AKAP13: variants seen among roughly 807,000 people sequenced by gnomAD.
The protein encoded by AKAP13 is A-kinase anchoring protein 13.
A neutral mutation model predicts 264.5 loss-of-function variants in AKAP13; 80 were observed. The ratio of observed to expected loss-of-function variants is 0.30; its 90% CI spans 0.25 to 0.36. AKAP13 has a LOEUF of 0.36. AKAP13 is among the 10% of genes least tolerant of loss of function. The pLI, the probability that AKAP13 is intolerant of heterozygous loss-of-function variation, is 1.00. For synonymous variants in AKAP13, 1,380 were observed against 1,250.2 expected (o/e 1.10, Z -2.19); for missense variants, 3,712 against 3,435.2 (o/e 1.08, Z -2.01).
chr15:85,546,924 A>G (rs1466959182), intron 5 of AKAP13, among the ~76,000 whole-genome samples: 2 of 151,938 alleles, frequency 1.3e-5, no homozygotes, highest in African/African-American at 2.4e-5. Context: ...TTGTATTTTT[A>G]GTAGAGACGG....
chr15:85,695,701 A>T (rs1213336043), intron 17 of AKAP13, among the ~76,000 whole-genome samples: 1 of 152,198 alleles, frequency 6.6e-6, no homozygotes, highest in South Asian at 2.1e-4. Flanking sequence ...CCGAATCCTC[A>T]TGCATCCCTG....
chr15:85,416,954 T>G (rs1175693562), intron 1 of AKAP13, among the ~76,000 whole-genome samples: 1 of 152,216 alleles, frequency 6.6e-6, no homozygotes, highest in Non-Finnish European at 1.5e-5. Flanking sequence ...TGGTGGAGTT[T>G]GATATATTAG....
At chr15:85,597,651 C>T (rs2079877157) in intron 8 of AKAP13, among the ~76,000 whole-genome samples, 1 of 152,112 alleles carries the variant, frequency 6.6e-6, no homozygotes, top group Non-Finnish European at 1.5e-5. Flanking sequence ...CCTTCTGATA[C>T]AGATACTTGG....
At chr15:85,668,241 C>G (rs2083714997) in intron 13 of AKAP13, among the ~76,000 whole-genome samples, 2 of 152,190 alleles carry the variant, frequency 1.3e-5, no homozygotes, top group Admixed American at 6.5e-5. Context: ...AGAAGTCTGG[C>G]CTAAGTGAGT....
chr15:85,403,756 G>A (rs1041634725), intron 1 of AKAP13, among the ~76,000 whole-genome samples: 6 of 150,922 alleles, frequency 4.0e-5, no homozygotes, highest in African/African-American at 4.9e-5. Context: ...CAGGAGAATC[G>A]CTTGAACCCG....
rs71891857 is a variant in AKAP13, at chr15:85,677,647, G to GT, written c.5102-4495dup. Among the ~76,000 whole-genome samples, 622 of 136,670 alleles carry GT rather than the reference G, an allele frequency of 4.6e-3. 2 individuals carry two copies. The highest frequency in any genetic ancestry group is 0.01 in the African/African-American group (398 of 38,064). The allele number at this position is 136,670 out of a possible 152,430, so 89.7% of individuals were successfully genotyped here. ...TATACGTTTTGTGAGTGTGTGTTGT[G>GT]TTTTTTTTTTTTTTTTGAGATGGAG... On this transcript the variant is annotated intron_variant, in intron 14 of 36. Coordinates refer to ENST00000394518, the MANE Select transcript of AKAP13 (RefSeq NM_007200.5).
At chr15:85,486,271 T>C (rs895349390) in intron 2 of AKAP13, among the ~76,000 whole-genome samples, 9 of 151,778 alleles carry the variant, frequency 5.9e-5, no homozygotes. Context: ...GTTTTGATAA[T>C]GTTTTGTTGT....
At chr15:85,528,682 G>C (rs891299680) in intron 3 of AKAP13, among the ~76,000 whole-genome samples, 2 of 152,216 alleles carry the variant, frequency 1.3e-5, no homozygotes, top group East Asian at 3.9e-4. Context: ...CAGCATACTT[G>C]ATGAGGATCC....
chr15:85,578,990 T>A lies in AKAP13; in HGVS notation c.922T>A (p.Ser308Thr). The A allele has an allele frequency of 6.2e-7, 1 of 1,613,954 alleles. No individual in the cohort carries two copies. Among genetic ancestry groups the A allele is most frequent in the African/African-American group, 1.3e-5 (1 of 74,984 alleles). The change falls in exon 7 of 37, where the codon TCC becomes ACC. Residue 308 changes from serine to threonine, a missense_variant. Ser to Thr is a moderately conservative substitution (Grantham distance 58). Coordinates refer to ENST00000394518, the MANE Select transcript of AKAP13 (RefSeq NM_007200.5). Reference protein sequence around the residue: ...MPLMMTAQDPSSAPETDGQFL... With the variant: ...MPLMMTAQDPTSAPETDGQFL... ...CTTAATGATGACAGCACAGGATCCTTCCAGTGCCCCAGAGACAGATGGCCA... is the reference window on the plus strand; with the variant it reads ...CTTAATGATGACAGCACAGGATCCTACCAGTGCCCCAGAGACAGATGGCCA...
chr15:85,658,887 T>G (rs2083216545), intron 12 of AKAP13, among the ~76,000 whole-genome samples: 1 of 152,206 alleles, frequency 6.6e-6, no homozygotes, highest in Admixed American at 6.5e-5. Flanking sequence ...CCTAGCTTTC[T>G]CTAGGAGAGT....
At chr15:85,582,217 C>T (rs760074962) in intron 7 of AKAP13, 110 bp downstream of exon 7, 142 of 1,235,658 alleles carry the variant, frequency 1.1e-4, no homozygotes, top group Non-Finnish European at 1.5e-4. Flanking sequence ...AGGCCTTGCA[C>T]TCATTGGGTA....
At chr15:85,511,280 G>A (rs1268641931) in intron 2 of AKAP13, among the ~76,000 whole-genome samples, 2 of 151,920 alleles carry the variant, frequency 1.3e-5, no homozygotes, top group Admixed American at 1.3e-4. Flanking sequence ...GCCTTCCCTT[G>A]CTGGAACACC....
intron 8 of AKAP13, among the ~76,000 whole-genome samples, chr15:85,620,860 G>A (rs553177294): frequency 6.6e-6 from 1 of 152,280 alleles, no homozygotes; most frequent in Non-Finnish European, 1.5e-5. Context: ...GCTCACAGAA[G>A]GCATCCTTGA....
intron 2 of AKAP13, among the ~76,000 whole-genome samples, chr15:85,503,418 A>C (rs987947141): frequency 6.6e-6 from 1 of 152,182 alleles, no homozygotes; most frequent in African/African-American, 2.4e-5. Flanking sequence ...AATGCTGTCC[A>C]TTCTGTATTG....
At chr15:85,602,569 C>T (rs1161806101) in intron 8 of AKAP13, among the ~76,000 whole-genome samples, 1 of 152,010 alleles carries the variant, frequency 6.6e-6, no homozygotes, top group African/African-American at 2.4e-5. Context: ...TCACTGCCAC[C>T]CCCACCTTCT....
chr15:85,638,343 A>G (rs2082156722), intron 8 of AKAP13, among the ~76,000 whole-genome samples: 1 of 151,810 alleles, frequency 6.6e-6, no homozygotes, highest in African/African-American at 2.4e-5. Context: ...TGTTTGTTTT[A>G]TTTGAGGTTT....
rs377601309 is a variant in AKAP13 at position 85,462,981 on chromosome 15, G to A, written c.-11-22729G>A. 4.0e-5 allele frequency among the ~76,000 whole-genome samples: 5 copies of A among 125,428 alleles called. No homozygotes were observed. The East Asian group carries it at 6.6e-4, about 16-fold the overall frequency. 82.3% of individuals were successfully genotyped at this position (125,428 alleles called of 152,430 possible). On this transcript the variant is annotated intron_variant, in intron 1 of 36. Coordinates refer to ENST00000394518, the MANE Select transcript of AKAP13 (RefSeq NM_007200.5). The stretch of plus-strand genomic sequence containing the variant: ...GGAGCTTGCAGTGAGCCGAGATCCC[G>A]CCACTGCACTCCAGCCTGGGCGACA...
rs767525158 is a variant in AKAP13 at position 85,723,171 on chromosome 15, T to C, written c.6596T>C (p.Val2199Ala). 1.9e-6 allele frequency: 3 copies of C among 1,614,000 alleles called. No homozygotes were observed. Among genetic ancestry groups the C allele is most frequent in the Non-Finnish European group, 1.7e-6 (2 of 1,179,992 alleles). ...DSKVASYEKK[V>A]RLNEIYTKTD... Reference sequence around the variant, plus strand: ...AAAGTGGCAAGTTATGAAAAGAAAGTGCGTCTCAATGAGATTTATACAAAG... The same window carrying C: ...AAAGTGGCAAGTTATGAAAAGAAAGCGCGTCTCAATGAGATTTATACAAAG... Residue 2199 changes from valine to alanine, a missense_variant, in exon 26 of 37, where the codon GTG (valine) becomes GCG (alanine). This residue lies in a region of AKAP13 where 342 missense variants were observed against 484.3 expected (regional missense o/e 0.71). Transcript: ENST00000394518.
chr15:85,597,910 A>T (rs1335012371), intron 8 of AKAP13, among the ~76,000 whole-genome samples: 1 of 152,106 alleles, frequency 6.6e-6, no homozygotes, highest in East Asian at 1.9e-4. Context: ...AATGATGTGA[A>T]AAATGGAAGA....
Sources: gnomAD v4.1 joint callset for allele counts (sites outside exome capture counted in the v4.1 genomes callset) on GRCh38, gnomAD v4.1.1 for gene constraint, gnomAD v4.1.1 regional missense constraint, MANE v1.5 for transcripts, NCBI Gene and HGNC (gene_info 2026-07-23, HGNC 2026-07-21) for gene names.